MALRD1: variants seen among roughly 807,000 people sequenced by gnomAD.
MALRD1 encodes the protein MAM and LDL-receptor class A domain-containing protein 1.
Under a neutral mutation model 242.1 loss-of-function variants are expected in MALRD1, and 247 were observed. The observed-to-expected ratio is 1.02, with a 90% CI of 0.92 to 1.13. The LOEUF (loss-of-function observed/expected upper bound fraction) is 1.13. Among genes scored for constraint, MALRD1 ranks in the 50% most tolerant of loss-of-function variants. MALRD1 has a pLI of 0.00. For synonymous variants in MALRD1, 995 were observed against 866.6 expected (o/e 1.15, Z -2.60); for missense variants, 2,989 against 2,533.1 (o/e 1.18, Z -3.86).
chr10:19,134,502 C>A (rs1833250048), intron 9 of MALRD1, among the ~76,000 whole-genome samples: 1 of 151,942 alleles, frequency 6.6e-6, no homozygotes, highest in Non-Finnish European at 1.5e-5. Context: ...GCCAAAACCT[C>A]AATTATTTTT....
chr10:19,155,156 C>A lies in MALRD1; in HGVS notation c.1640C>A (p.Ala547Asp), dbSNP rs924745071. The A allele has an allele frequency of 8.1e-7, 1 of 1,231,168 alleles. No homozygotes were observed. Among genetic ancestry groups the A allele is most frequent in the African/African-American group, 1.6e-5 (1 of 64,376 alleles). The allele number at this position is 1,231,168 out of a possible 1,614,324, so 76.3% of individuals were successfully genotyped here. ...GSPVLTKLLTASTPCQVQFWY... is the reference protein window; with the variant it reads ...GSPVLTKLLTDSTPCQVQFWY... Reference sequence around the variant, plus strand: ...CCTGTTCTTACAAAATTGCTCACTGCCTCTACCCCATGTCAGGTAATCAAC... The same window carrying A: ...CCTGTTCTTACAAAATTGCTCACTGACTCTACCCCATGTCAGGTAATCAAC... Residue 547 changes from alanine to aspartate, a missense_variant, in exon 12 of 40, where the codon GCC (alanine) becomes GAC (aspartate). By Grantham distance (126) the Ala-to-Asp change is moderately radical. Transcript: ENST00000454679.
chr10:19,333,176 T>A (rs1273559642), intron 24 of MALRD1, among the ~76,000 whole-genome samples: 1 of 152,132 alleles, frequency 6.6e-6, no homozygotes, highest in Admixed American at 6.5e-5. Context: ...TATTTTAGAA[T>A]CAGTGGTACA....
chr10:19,234,456 C>A (rs1838212702), intron 18 of MALRD1, among the ~76,000 whole-genome samples: 1 of 151,964 alleles, frequency 6.6e-6, no homozygotes, highest in Admixed American at 6.6e-5. Flanking sequence ...AACAAATCTA[C>A]TCTAATAGAG....
At chr10:19,180,426 A>G (rs949345608) in intron 14 of MALRD1, among the ~76,000 whole-genome samples, 3 of 152,222 alleles carry the variant, frequency 2.0e-5, no homozygotes, top group Non-Finnish European at 2.9e-5. Context: ...AACATAAAAG[A>G]CCAAATAAGT....
intron 4 of MALRD1, among the ~76,000 whole-genome samples, chr10:19,099,669 A>G (rs572262627): frequency 6.6e-6 from 1 of 152,210 alleles, no homozygotes; most frequent in African/African-American, 2.4e-5. Context: ...TGGAGAAAAC[A>G]AAGAATGTTA....
intron 34 of MALRD1, among the ~76,000 whole-genome samples, chr10:19,601,453 T>C (rs1390497579): frequency 6.6e-6 from 1 of 151,984 alleles, no homozygotes; most frequent in African/African-American, 2.4e-5. Flanking sequence ...ATAATTTATT[T>C]GCTACCTACT....
intron 38 of MALRD1, among the ~76,000 whole-genome samples, chr10:19,699,557 T>A (rs951045506): frequency 9.2e-5 from 14 of 152,062 alleles, no homozygotes; most frequent in Non-Finnish European, 1.8e-4. Context: ...TTAAAAGGTG[T>A]ATTGGGCTAT....
Position 19,088,111 on chromosome 10 carries a change from T to C in MALRD1, c.523T>C (p.Trp175Arg), listed in dbSNP as rs578160094. 8 of 1,233,572 alleles carry C rather than the reference T, an allele frequency of 6.5e-6. No individual in the cohort carries two copies. The South Asian group carries it at 2.9e-4, about 44-fold the overall frequency. The allele number at this position is 1,233,572 out of a possible 1,614,324, so 76.4% of individuals were successfully genotyped here. Residue 175 changes from tryptophan (W) to arginine (R), a missense_variant, in exon 4 of 40, where the codon TGG (tryptophan) becomes CGG (arginine). By Grantham distance (101) the Trp-to-Arg change is moderately radical. Transcript: ENST00000454679. ...ATGTGGAGGTCCTATTCAGCATTTA[T>C]GGCAAAACACAGCTGCACTCCCAAA... is the stretch of plus-strand genomic sequence containing the variant. ...TACGGPIQHL[W>R]QNTAALPNQW...
rs139310655 is a variant in MALRD1, at chr10:19,579,429, C to T, written c.5680+11726C>T. 2.4e-4 allele frequency among the ~76,000 whole-genome samples: 36 copies of T among 152,178 alleles called. No homozygotes were observed. In the East Asian group the frequency reaches 3.7e-3, roughly 15 times the overall value. On this transcript the variant is annotated intron_variant, in intron 33 of 39. Transcript: ENST00000454679. ...AGAATTTTTTTATTGTATATATTTA[C>T]GGTATGTGATGAGAGATGGCTTCTA...
chr10:19,352,336 T>A lies in MALRD1; in HGVS notation c.4441+39T>A, dbSNP rs541869588. 4.0e-6 allele frequency: 6 copies of A among 1,512,172 alleles called. No individual in the cohort carries two copies. The South Asian group carries it at 6.1e-5, about 15-fold the overall frequency. The allele number at this position is 1,512,172 out of a possible 1,614,324, so 93.7% of individuals were successfully genotyped here. A position where few individuals can be genotyped will look rare whatever the true frequency, so the allele number is the denominator to read the frequency against. Reference sequence around the variant, plus strand: ...TGTGTGTGTGTGTGGTATTTTTGCATGGTGAAAGGTGAAAAGGAAGAAAGA... The same window carrying A: ...TGTGTGTGTGTGTGGTATTTTTGCAAGGTGAAAGGTGAAAAGGAAGAAAGA... On this transcript the variant is annotated intron_variant, in intron 26 of 39. Coordinates refer to ENST00000454679, the MANE Select transcript of MALRD1 (RefSeq NM_001142308.3).
chr10:19,723,993 G>A (rs1834896150), intron 38 of MALRD1, among the ~76,000 whole-genome samples: 1 of 152,088 alleles, frequency 6.6e-6, no homozygotes, highest in South Asian at 2.1e-4. Flanking sequence ...AGGAGTTCAA[G>A]GCTGCAGTGA....
At chr10:19,368,878 T>C (rs1407895364) in intron 26 of MALRD1, among the ~76,000 whole-genome samples, 4 of 144,310 alleles carry the variant, frequency 2.8e-5, no homozygotes, top group East Asian at 2.0e-4. Context: ...TGTATGTGTG[T>C]GTGTGTGTGT....
At chr10:19,231,537 G>A (rs558104013) in intron 18 of MALRD1, among the ~76,000 whole-genome samples, 2 of 152,084 alleles carry the variant, frequency 1.3e-5, no homozygotes, top group African/African-American at 2.4e-5. Context: ...GAATCATAGG[G>A]GCGGTTTCCC....
chr10:19,271,899 A>G (rs962566981), intron 19 of MALRD1, among the ~76,000 whole-genome samples: 2 of 152,218 alleles, frequency 1.3e-5, no homozygotes, highest in Admixed American at 6.5e-5. Flanking sequence ...TATACTACTC[A>G]CCTTGAGAGA....
At position 19,531,317 on chromosome 10, in the gene MALRD1, A is replaced by G. The variant is rs548690810; in HGVS notation, c.5444A>G (p.Tyr1815Cys). Residue 1815 changes from tyrosine (Y) to cysteine (C), a missense_variant, in exon 32 of 40, where the codon TAC becomes TGC. Coordinates refer to ENST00000454679, the MANE Select transcript of MALRD1 (RefSeq NM_001142308.3). ...ATGTGTACTGTTCGGTTCTGGTTCT[A>G]CATGATTGATCCCAGGAGTATGGGA... ...LGMCTVRFWF[Y>C]MIDPRSMGIL... is the part of the protein sequence containing the mutation. The G allele has an allele frequency of 1.3e-6, 2 of 1,549,160 alleles. No individual in the cohort carries two copies. The highest frequency in any genetic ancestry group is 4.9e-5 in the East Asian group (2 of 40,878).
At position 19,049,124 on chromosome 10, in the gene MALRD1, T is replaced by C; in HGVS notation, c.186T>C (p.Ser62=). 1 of 1,233,856 alleles carries C rather than the reference T, an allele frequency of 8.1e-7. No individual in the cohort carries two copies. Among genetic ancestry groups the C allele is most frequent in the Non-Finnish European group, 1.0e-6 (1 of 988,114 alleles). The allele number at this position is 1,233,856 out of a possible 1,614,324, so 76.4% of individuals were successfully genotyped here. ...CDFTDQCGDS[S]DERHCLNYER... Reference sequence around the variant, plus strand: ...TCACAGATCAGTGTGGGGATAGCAGTGATGAACGGCACTGTAAGTGACATT... The same window carrying C: ...TCACAGATCAGTGTGGGGATAGCAGCGATGAACGGCACTGTAAGTGACATT... Residue 62 remains serine (S), a synonymous_variant, in exon 1 of 40, where the codon AGT becomes AGC. Transcript: ENST00000454679.
chr10:19,138,070 G>A (rs1218836789), intron 10 of MALRD1, among the ~76,000 whole-genome samples: 2 of 152,158 alleles, frequency 1.3e-5, no homozygotes, highest in South Asian at 4.1e-4. Flanking sequence ...TTTATTAAGA[G>A]CAACGCGGAG....
chr10:19,415,140 C>G (rs1833461175), intron 28 of MALRD1, among the ~76,000 whole-genome samples: 1 of 152,040 alleles, frequency 6.6e-6, no homozygotes, highest in Non-Finnish European at 1.5e-5. Flanking sequence ...AACACCAAAA[C>G]TATAATTCAA....
At chr10:19,245,269 A>C (rs1838991874) in intron 18 of MALRD1, among the ~76,000 whole-genome samples, 1 of 152,170 alleles carries the variant, frequency 6.6e-6, no homozygotes, top group African/African-American at 2.4e-5. Context: ...ATAGATTCTT[A>C]GGTAGTAGAA....
Sources: gnomAD v4.1 joint callset for allele counts (sites outside exome capture counted in the v4.1 genomes callset) on GRCh38, gnomAD v4.1.1 for gene constraint, MANE v1.5 for transcripts, NCBI Gene and HGNC (gene_info 2026-07-23, HGNC 2026-07-21) for gene names.